Variants in MYO5B observed in about 807,000 individuals in gnomAD.
MYO5B encodes myosin VB, also known as unconventional myosin-Vb.
MYO5B carries 143 observed loss-of-function variants against 229.3 expected under a neutral mutation model. That is an observed-to-expected ratio of 0.62 (90% CI 0.54 to 0.72). The LOEUF (loss-of-function observed/expected upper bound fraction) is 0.72, where lower values mean the gene tolerates loss of function less well. MYO5B is among the 30% of genes least tolerant of loss of function. The probability of loss-of-function intolerance (pLI) is 0.00; values close to 1 mark genes in which losing one functional copy is unlikely to be tolerated. For synonymous variants in MYO5B, 918 were observed against 885.2 expected (o/e 1.04, Z -0.66); for missense variants, 2,321 against 2,331.0 (o/e 1.00, Z 0.09).
At chr18:49,887,913 C>G (rs913313693) in intron 22 of MYO5B, among the ~76,000 whole-genome samples, 2 of 152,028 alleles carry the variant, frequency 1.3e-5, no homozygotes, top group African/African-American at 4.8e-5. Flanking sequence ...GTCTGGAACT[C>G]CTGACCTTGT....
chr18:50,151,079 T>C (rs2032590960), intron 1 of MYO5B, among the ~76,000 whole-genome samples: 1 of 152,208 alleles, frequency 6.6e-6, no homozygotes, highest in African/African-American at 2.4e-5. Flanking sequence ...GGATGCTGTC[T>C]CTTGGGTCAA....
intron 10 of MYO5B, among the ~76,000 whole-genome samples, chr18:49,969,039 T>G (rs2025658466): frequency 6.6e-6 from 1 of 152,188 alleles, no homozygotes; most frequent in Non-Finnish European, 1.5e-5. Flanking sequence ...CCTAGGAGGC[T>G]GGGAGACTCC....
chr18:50,096,300 A>G lies in MYO5B; in HGVS notation c.28-40922T>C, dbSNP rs2031549278. Among the ~76,000 whole-genome samples the G allele has an allele frequency of 2.0e-5, 3 of 152,144 alleles. No homozygotes were observed. The South Asian group carries it at 6.2e-4, about 31-fold the overall frequency. ...TGTGTGCTCACCCAACATCCAAGCC[A>G]TCCCCAAATCCTTTCAACATCTGCT... On this transcript the variant is annotated intron_variant, in intron 1 of 39. Transcript: ENST00000285039.
chr18:49,831,756 T>A (rs2023925305), intron 39 of MYO5B, among the ~76,000 whole-genome samples: 1 of 152,174 alleles, frequency 6.6e-6, no homozygotes. Flanking sequence ...TGCCTCTAAA[T>A]ATATGCCCCA....
chr18:50,107,880 T>C (rs1286238107), intron 1 of MYO5B, among the ~76,000 whole-genome samples: 11 of 152,158 alleles, frequency 7.2e-5, no homozygotes, highest in Admixed American at 7.2e-4. Flanking sequence ...AACTCCCATG[T>C]GACCCTCCCT....
At position 49,849,657 on chromosome 18, in the gene MYO5B, G is replaced by A. The variant is rs1016421905; in HGVS notation, c.4225C>T (p.Leu1409Phe). ...ISRLTNENLD[L>F]KELVEKLEKN... Reference sequence around the variant, plus strand: ...TCCAGCTTTTCTACCAGTTCTTTAAGGTCCTGGAAGCAGAGGAAGCAGTGT... The same window carrying A: ...TCCAGCTTTTCTACCAGTTCTTTAAAGTCCTGGAAGCAGAGGAAGCAGTGT... Residue 1409 changes from leucine (L) to phenylalanine (F), a missense_variant, in exon 32 of 40, where the codon CTT (leucine) becomes TTT (phenylalanine). By Grantham distance (22) the Leu-to-Phe change is conservative. This residue lies in a region of MYO5B where 2,113 missense variants were observed against 2,044.7 expected (regional missense o/e 1.03). Transcript: ENST00000285039. 1 of 1,612,284 alleles carries A rather than the reference G, an allele frequency of 6.2e-7. No individual in the cohort carries two copies. Among genetic ancestry groups the A allele is most frequent in the African/African-American group, 1.3e-5 (1 of 75,022 alleles).
chr18:49,970,621 C>T (rs751732197), intron 10 of MYO5B, among the ~76,000 whole-genome samples: 1 of 152,132 alleles, frequency 6.6e-6, no homozygotes, highest in Non-Finnish European at 1.5e-5. Context: ...TCTGTGGTAA[C>T]ATTTAACACA....
chr18:50,118,342 T>C (rs1338391296), intron 1 of MYO5B, among the ~76,000 whole-genome samples: 1 of 152,026 alleles, frequency 6.6e-6, no homozygotes, highest in Non-Finnish European at 1.5e-5. Context: ...CCAATGAGAG[T>C]TGCAGAAAGA....
intron 4 of MYO5B, among the ~76,000 whole-genome samples, chr18:50,021,419 A>G (rs2026273238): frequency 6.6e-6 from 1 of 152,206 alleles, no homozygotes; most frequent in East Asian, 1.9e-4. Flanking sequence ...GCCTTTGGCC[A>G]TCACTCTACC....
intron 1 of MYO5B, among the ~76,000 whole-genome samples, chr18:50,181,302 T>G (rs763865588): frequency 2.0e-5 from 3 of 151,418 alleles, no homozygotes; most frequent in Non-Finnish European, 4.4e-5. Flanking sequence ...TACATCCAAA[T>G]GAGTATTTTC....
chr18:50,029,062 T>C (rs1230265083), intron 4 of MYO5B, among the ~76,000 whole-genome samples: 1 of 152,212 alleles, frequency 6.6e-6, no homozygotes, highest in Non-Finnish European at 1.5e-5. Flanking sequence ...ATGTCATCAT[T>C]AGCCATATTC....
At chr18:49,893,708 G>A (rs2024743797) in intron 22 of MYO5B, among the ~76,000 whole-genome samples, 1 of 152,202 alleles carries the variant, frequency 6.6e-6, no homozygotes. Context: ...GGAGATCCCT[G>A]GGGTCTGGGT....
At chr18:49,947,499 C>A (rs969419949) in intron 14 of MYO5B, among the ~76,000 whole-genome samples, 61 of 152,294 alleles carry the variant, frequency 4.0e-4, no homozygotes, top group Non-Finnish European at 1.0e-4. Flanking sequence ...TTAATTGACG[C>A]ATAATAACTG....
At chr18:49,858,847 G>A (rs1404856247) in intron 29 of MYO5B, among the ~76,000 whole-genome samples, 1 of 152,184 alleles carries the variant, frequency 6.6e-6, no homozygotes, top group Non-Finnish European at 1.5e-5. Context: ...TTGGTTCCCA[G>A]AGGAAAGAAC....
In MYO5B at chr18:50,109,426, C is replaced by CT. The variant is rs901383493; in HGVS notation, c.28-54049dup. ...AACTGGTCCGCTGGTCATGATTTTTCTTTTTTTTTTTTTTTTGAGACAAGA... is the reference window on the plus strand; with the variant it reads ...AACTGGTCCGCTGGTCATGATTTTTCTTTTTTTTTTTTTTTTTGAGACAAGA... On this transcript the variant is annotated intron_variant, in intron 1 of 39. Coordinates refer to ENST00000285039, the MANE Select transcript of MYO5B (RefSeq NM_001080467.3). Among the ~76,000 whole-genome samples, 837 of 130,592 alleles carry CT rather than the reference C, an allele frequency of 6.4e-3. 17 individuals are homozygous for CT. Among genetic ancestry groups the CT allele is most frequent in the South Asian group, 0.058 (214 of 3,702 alleles). 85.7% of individuals were successfully genotyped at this position (130,592 alleles called of 152,430 possible). A position where few individuals can be genotyped will look rare whatever the true frequency, so the allele number is the denominator to read the frequency against.
At chr18:50,022,078 T>A (rs1302129955) in intron 4 of MYO5B, among the ~76,000 whole-genome samples, 2 of 152,042 alleles carry the variant, frequency 1.3e-5, no homozygotes, top group Non-Finnish European at 2.9e-5. Context: ...CCCAGGAGTG[T>A]CTCTTCCCTC....
intron 1 of MYO5B, among the ~76,000 whole-genome samples, chr18:50,158,113 A>T (rs1204046939): frequency 6.6e-6 from 1 of 152,214 alleles, no homozygotes; most frequent in African/African-American, 2.4e-5. Flanking sequence ...AAATGATTAC[A>T]GGGACCAGGA....
At chr18:50,189,906 G>A (rs79965232) in intron 1 of MYO5B, among the ~76,000 whole-genome samples, 5,305 of 152,208 alleles carry the variant, frequency 0.035, 133 homozygotes, top group Non-Finnish European at 0.055. Context: ...GTCCCAAATC[G>A]CGCCCTTAGT....
chr18:49,839,361 T>A (rs2024029596), intron 35 of MYO5B, 67 bp from the exon 36 acceptor site: 3 of 1,579,668 alleles, frequency 1.9e-6, no homozygotes, highest in East Asian at 2.2e-5. Context: ...CTTCCAGGGC[T>A]CTGGTAACTT....
Sources: gnomAD v4.1 joint callset for allele counts (sites outside exome capture counted in the v4.1 genomes callset) on GRCh38, gnomAD v4.1.1 for gene constraint, gnomAD v4.1.1 regional missense constraint, MANE v1.5 for transcripts, NCBI Gene and HGNC (gene_info 2026-07-23, HGNC 2026-07-21) for gene names.